Variants in ARB2A observed in about 807,000 individuals in gnomAD.
ARB2A encodes the protein cotranscriptional regulator ARB2A.
the ARB2A span, among the ~76,000 whole-genome samples, chr5:93,724,244 G>A: frequency 3.3e-5 from 5 of 151,756 alleles, no homozygotes; most frequent in Non-Finnish European, 7.4e-5. Context: ...ACACAGTAGG[G>A]AGCAATTAAC....
chr5:93,716,954 G>A, the ARB2A span, among the ~76,000 whole-genome samples: 2 of 152,096 alleles, frequency 1.3e-5, no homozygotes, highest in South Asian at 2.1e-4. Flanking sequence ...AATGTGCATA[G>A]TATAATCAGC....
the ARB2A span, among the ~76,000 whole-genome samples, chr5:93,967,823 G>A: frequency 1.3e-5 from 2 of 152,096 alleles, no homozygotes; most frequent in South Asian, 2.1e-4. Flanking sequence ...GCCCAGCTCC[G>A]GCTCATTTAA....
the ARB2A span, among the ~76,000 whole-genome samples, chr5:93,822,769 AAAAT>A: frequency 4.3e-4 from 65 of 152,192 alleles, no homozygotes; most frequent in South Asian, 0.012. Flanking sequence ...TATATATATC[AAAAT>A]AAATAAATTA....
the ARB2A span, among the ~76,000 whole-genome samples, chr5:93,813,559 G>A: frequency 6.6e-6 from 1 of 152,156 alleles, no homozygotes; most frequent in Non-Finnish European, 1.5e-5. Context: ...CATTTGATAA[G>A]GAGATTAGCA....
At chr5:93,720,275 A>G in the ARB2A span, among the ~76,000 whole-genome samples, 1 of 152,210 alleles carries the variant, frequency 6.6e-6, no homozygotes, top group Non-Finnish European at 1.5e-5. Context: ...GCTTCAAAAG[A>G]CGGAAAGCTT....
At chr5:94,026,599 C>T in the ARB2A span, among the ~76,000 whole-genome samples, 1 of 152,002 alleles carries the variant, frequency 6.6e-6, no homozygotes, top group Non-Finnish European at 1.5e-5. Flanking sequence ...GTGGGCACAA[C>T]AGTGTAAAGA....
chr5:93,628,052 A>AT, the ARB2A span, among the ~76,000 whole-genome samples: 724 of 68,334 alleles, frequency 0.011, 43 homozygotes, highest in Non-Finnish European at 0.015. Flanking sequence ...ATGTAGCATA[A>AT]TTTTTTTTTT....
the ARB2A span, chr5:93,881,423 T>C: frequency 7.4e-7 from 1 of 1,355,670 alleles, no homozygotes. Flanking sequence ...TAATAAAATA[T>C]ATACAAGGTA....
chr5:93,738,577 G>A, the ARB2A span: 1 of 152,130 alleles, frequency 6.6e-6, no homozygotes, highest in South Asian at 2.1e-4. Flanking sequence ...TCAGAGGAAT[G>A]GATAAACAAA....
the ARB2A span, among the ~76,000 whole-genome samples, chr5:93,729,977 G>A: frequency 0.23 from 34,237 of 151,934 alleles, 4,899 homozygotes; most frequent in African/African-American, 0.39. Flanking sequence ...TTTAAATCTC[G>A]CAAATTCAAG....
the ARB2A span, among the ~76,000 whole-genome samples, chr5:93,790,464 T>C: frequency 2.0e-5 from 3 of 152,190 alleles, no homozygotes; most frequent in Admixed American, 2.0e-4. Context: ...TTTGATTACA[T>C]GGTGCAAGAC....
the ARB2A span, among the ~76,000 whole-genome samples, chr5:93,968,674 A>G: frequency 6.6e-6 from 1 of 152,110 alleles, no homozygotes; most frequent in Non-Finnish European, 1.5e-5. Context: ...AGAATATTCC[A>G]AAATTAATGA....
the ARB2A span, among the ~76,000 whole-genome samples, chr5:94,107,117 T>A: frequency 6.6e-6 from 1 of 152,160 alleles, no homozygotes; most frequent in Non-Finnish European, 1.5e-5. Flanking sequence ...CCTTTAGCAA[T>A]TTCCAAGTAA....
At chr5:93,770,526 T>A in the ARB2A span, among the ~76,000 whole-genome samples, 7 of 152,126 alleles carry the variant, frequency 4.6e-5, no homozygotes, top group Non-Finnish European at 7.4e-5. Context: ...TGTCCCTGTT[T>A]GCAGATGACA....
the ARB2A span, chr5:93,737,447 T>C: frequency 1.3e-5 from 2 of 152,034 alleles, no homozygotes; most frequent in Non-Finnish European, 2.9e-5. Context: ...AAAATTCCTA[T>C]GAAATTTCAA....
the ARB2A span, among the ~76,000 whole-genome samples, chr5:93,879,283 CAG>C: frequency 6.6e-6 from 1 of 151,982 alleles, no homozygotes; most frequent in Admixed American, 6.6e-5. Flanking sequence ...TGAAGAGTGT[CAG>C]CACATCTCTG....
chr5:93,714,946 A>G, the ARB2A span, among the ~76,000 whole-genome samples: 1 of 152,202 alleles, frequency 6.6e-6, no homozygotes, highest in Non-Finnish European at 1.5e-5. Flanking sequence ...AATTTCCCAT[A>G]TGGCACATCA....
At chr5:93,738,078 G>A in the ARB2A span, 13 of 293,982 alleles carry the variant, frequency 4.4e-5, no homozygotes, top group Non-Finnish European at 8.6e-5. Flanking sequence ...TATCTGATAA[G>A]GGCTTAATAT....
At chr5:93,683,470 T>A in the ARB2A span, 3 of 1,594,952 alleles carry the variant, frequency 1.9e-6, no homozygotes, top group Admixed American at 5.0e-5. Context: ...CTGTTGGCTG[T>A]ACAGACATTT....
Sources: allele counts gnomAD v4.1 joint callset (sites outside exome capture counted in the v4.1 genomes callset), GRCh38; gene constraint gnomAD v4.1.1; transcripts MANE v1.5; gene names NCBI Gene and HGNC (gene_info 2026-07-23, HGNC 2026-07-21).